Variants in ABCC4 observed in about 807,000 individuals in gnomAD.
ABCC4 encodes ATP-binding cassette sub-family C member 4.
A neutral mutation model predicts 168.5 loss-of-function variants in ABCC4; 102 were observed. The ratio of observed to expected loss-of-function variants is 0.61; its 90% CI spans 0.52 to 0.71. The LOEUF (loss-of-function observed/expected upper bound fraction) is 0.71. ABCC4 is among the 30% of genes least tolerant of loss of function. The pLI, the probability that ABCC4 is intolerant of heterozygous loss-of-function variation, is 0.00. For synonymous variants in ABCC4, 617 were observed against 590.7 expected (o/e 1.04, Z -0.65); for missense variants, 1,402 against 1,605.8 (o/e 0.87, Z 2.17).
Position 95,075,495 on chromosome 13 carries a change from G to A in ABCC4, c.2743C>T (p.Arg915Trp), listed in dbSNP as rs978321113. 5 of 1,614,046 alleles carry A rather than the reference G, an allele frequency of 3.1e-6. No homozygotes were observed. The highest frequency in any genetic ancestry group is 1.7e-5 in the Admixed American group (1 of 60,008). The change falls in exon 22 of 31, where the codon CGG becomes TGG. Residue 915 changes from arginine to tryptophan, a missense_variant. By Grantham distance (101) the Arg-to-Trp change is moderately radical (BLOSUM62 -3). Coordinates refer to ENST00000645237, the MANE Select transcript of ABCC4 (RefSeq NM_005845.5). ...SSSLQGLWTI[R>W]AYKAEERCQE... ...CACCTCTCTTCTGCTTTGTATGCCC[G>A]GATGGTCCAGAGCCCCTGGAGAGAA...
intron 1 of ABCC4, among the ~76,000 whole-genome samples, chr13:95,292,489 A>G (rs533310646): frequency 6.6e-6 from 1 of 152,262 alleles, no homozygotes; most frequent in South Asian, 2.1e-4. Context: ...CTCTGAACCT[A>G]TTTTGGTTCT....
intron 19 of ABCC4, among the ~76,000 whole-genome samples, chr13:95,143,735 G>A (rs1005155358): frequency 8.6e-5 from 13 of 151,850 alleles, no homozygotes; most frequent in African/African-American, 1.5e-4. Flanking sequence ...ACATATGACC[G>A]GTTAAAAAAT....
At chr13:95,135,815 A>G (rs2139464307) in intron 19 of ABCC4, among the ~76,000 whole-genome samples, 1 of 152,340 alleles carries the variant, frequency 6.6e-6, no homozygotes, top group Admixed American at 6.5e-5. Flanking sequence ...CACTTATGTA[A>G]TTTAAATCAT....
chr13:95,297,840 T>C (rs7331371), intron 1 of ABCC4, among the ~76,000 whole-genome samples: 4 of 152,280 alleles, frequency 2.6e-5, no homozygotes, highest in African/African-American at 9.6e-5. Context: ...TGAAGTACTT[T>C]CGAGTGATAA....
chr13:95,299,906 A>C (rs2041631526), intron 1 of ABCC4, among the ~76,000 whole-genome samples: 1 of 152,080 alleles, frequency 6.6e-6, no homozygotes, highest in Non-Finnish European at 1.5e-5. Flanking sequence ...CAGTGGGGCG[A>C]TCTCAGCTCA....
At chr13:95,058,563 A>G (rs2986318) in intron 26 of ABCC4, among the ~76,000 whole-genome samples, 107,109 of 114,812 alleles carry the variant, frequency 0.93, 50,086 homozygotes, top group Non-Finnish European at 0.95. Flanking sequence ...GCAAGACTCC[A>G]TCTCAAAAAA....
rs530317662 is a variant in ABCC4 at position 95,064,245 on chromosome 13, G to GGT, written c.3211-1388_3211-1387dup. Among the ~76,000 whole-genome samples, 168 of 42,862 alleles carry GGT rather than the reference G, an allele frequency of 3.9e-3. 1 individual carries two copies. The East Asian group carries it at 0.1, about 25-fold the overall frequency. 28.1% of individuals were successfully genotyped at this position (42,862 alleles called of 152,430 possible). On this transcript the variant is annotated intron_variant, in intron 25 of 30. Coordinates refer to ENST00000645237, the MANE Select transcript of ABCC4 (RefSeq NM_005845.5). ...CATTTTCTGCACATAGGTACATCCG[G>GGT]GTGTGTGTGTGTGTGTATATATATA...
intron 8 of ABCC4, among the ~76,000 whole-genome samples, chr13:95,203,762 A>C (rs1160548093): frequency 6.6e-6 from 1 of 152,052 alleles, no homozygotes; most frequent in African/African-American, 2.4e-5. Flanking sequence ...ATAACGAGGC[A>C]GAGACTCCGA....
chr13:95,205,567 G>A (rs1392424552), intron 8 of ABCC4, among the ~76,000 whole-genome samples: 2 of 152,204 alleles, frequency 1.3e-5, no homozygotes, highest in African/African-American at 4.8e-5. Context: ...TTATGTGCCA[G>A]GACCTTACCT....
intron 19 of ABCC4, among the ~76,000 whole-genome samples, chr13:95,125,317 C>T (rs1293529468): frequency 1.3e-5 from 2 of 152,174 alleles, no homozygotes; most frequent in Admixed American, 6.5e-5. Context: ...ACACAAATGA[C>T]GATGGCCAAA....
At position 95,186,725 on chromosome 13, in the gene ABCC4, G is replaced by T. The variant is rs751419635; in HGVS notation, c.1521C>A (p.Val507=). 1 of 1,613,918 alleles carries T rather than the reference G, an allele frequency of 6.2e-7. No homozygotes were observed. The highest frequency in any genetic ancestry group is 8.5e-7 in the Non-Finnish European group (1 of 1,179,912). The stretch of plus-strand genomic sequence containing the variant: ...CCTTTTTCAGAGCACAAGCCTTTAT[G>T]ACTTTTTCATATCGTTCCTTTTCGT... The part of the protein sequence containing the change: ...KKYEKERYEK[V]IKACALKKDL... Residue 507 remains valine (V), a synonymous_variant, in exon 11 of 31, where the codon GTC becomes GTA. Transcript: ENST00000645237.
chr13:95,039,320 C>G (rs114070850), intron 29 of ABCC4, among the ~76,000 whole-genome samples: 2 of 152,326 alleles, frequency 1.3e-5, no homozygotes, highest in South Asian at 2.1e-4. Context: ...TTTCAGATTT[C>G]AGATTAGGGG....
At chr13:95,193,339 A>C (rs1207070268) in intron 9 of ABCC4, among the ~76,000 whole-genome samples, 1 of 152,212 alleles carries the variant, frequency 6.6e-6, no homozygotes, top group African/African-American at 2.4e-5. Context: ...ACCTGTTTTA[A>C]GCAGCCTGAG....
intron 29 of ABCC4, among the ~76,000 whole-genome samples, chr13:95,042,912 G>A (rs2032419592): frequency 1.3e-5 from 2 of 152,162 alleles, no homozygotes; most frequent in African/African-American, 2.4e-5. Context: ...TTAGACTACA[G>A]GCGCCTGCCA....
At chr13:95,062,652 A>G in intron 26 of ABCC4, 52 bp downstream of exon 26, 1 of 1,494,844 alleles carries the variant, frequency 6.7e-7, no homozygotes. Flanking sequence ...AAAGCAATTA[A>G]ACATAGTAGC....
intron 1 of ABCC4, among the ~76,000 whole-genome samples, chr13:95,274,464 C>T (rs565445882): frequency 1.3e-5 from 2 of 152,256 alleles, no homozygotes; most frequent in East Asian, 3.9e-4. Context: ...CATGCCAGAG[C>T]CTGATAACAA....
chr13:95,025,111 C>T (rs1189802247), intron 30 of ABCC4, among the ~76,000 whole-genome samples: 2 of 151,400 alleles, frequency 1.3e-5, no homozygotes, highest in Non-Finnish European at 2.9e-5. Context: ...TTGCAATTGC[C>T]CAATTCTGTA....
rs546623953 is a variant in ABCC4, at chr13:95,187,207, C to G, written c.1354-315G>C. 2.0e-5 allele frequency among the ~76,000 whole-genome samples: 3 copies of G among 152,322 alleles called. No individual in the cohort carries two copies. The South Asian group carries it at 6.2e-4, about 32-fold the overall frequency. ...AAGAATGTTTACAGCAACAGAGTAG[C>G]CAAGCATGACATATATAGTTCATAT... On this transcript the variant is annotated intron_variant, in intron 10 of 30. Transcript: ENST00000645237.
At chr13:95,220,071 G>A (rs965776361) in intron 4 of ABCC4, among the ~76,000 whole-genome samples, 1 of 150,054 alleles carries the variant, frequency 6.7e-6, no homozygotes, top group Non-Finnish European at 1.5e-5. Flanking sequence ...TCACCATGTT[G>A]ATCAGGCTGG....
Sources: allele counts gnomAD v4.1 joint callset (sites outside exome capture counted in the v4.1 genomes callset), GRCh38; gene constraint gnomAD v4.1.1; transcripts MANE v1.5; gene names NCBI Gene and HGNC (gene_info 2026-07-23, HGNC 2026-07-21).